RGS5: variants seen among roughly 807,000 people sequenced by gnomAD.
The protein encoded by RGS5 is regulator of G-protein signalling 5.
In RGS5, 20 loss-of-function variants were observed where a neutral mutation model predicts 18.9. The observed-to-expected ratio is 1.06, with a 90% CI of 0.74 to 1.54. RGS5 has a LOEUF of 1.54. Among genes scored for constraint, RGS5 ranks in the 40% most tolerant of loss-of-function variants. The pLI is 0.00. For synonymous variants in RGS5, 57 were observed against 76.2 expected (o/e 0.75, Z 1.31); for missense variants, 201 against 211.8 (o/e 0.95, Z 0.32).
chr1:163,266,826 C>A, intron 2 of RGS5, among the ~76,000 whole-genome samples: 1 of 152,058 alleles, frequency 6.6e-6, no homozygotes, highest in Non-Finnish European at 1.5e-5. Context: ...ATGCTCAATA[C>A]CCACTATAGT....
intron 2 of RGS5, among the ~76,000 whole-genome samples, chr1:163,279,794 CAG>C (rs2101717759): frequency 6.6e-6 from 1 of 151,472 alleles, no homozygotes; most frequent in South Asian, 2.1e-4. Context: ...AAAGAGAAGA[CAG>C]AAATAAAATC....
chr1:163,206,079 A>C (rs970223293), upstream of RGS5, among the ~76,000 whole-genome samples: 8 of 152,196 alleles, frequency 5.3e-5, no homozygotes, highest in African/African-American at 1.9e-4. Context: ...AAGCAAGCTC[A>C]ATTTATAATT....
intron 1 of RGS5, chr1:163,172,673 G>C: frequency 4.1e-6 from 6 of 1,467,324 alleles, no homozygotes; most frequent in Non-Finnish European, 4.6e-6. Flanking sequence ...CTTGGTATAG[G>C]CTCAAGTATA....
chr1:163,200,581 G>A (rs142791103), intron 1 of RGS5, among the ~76,000 whole-genome samples: 99 of 152,148 alleles, frequency 6.5e-4, no homozygotes, highest in Admixed American at 5.8e-3. Flanking sequence ...CTTTCCATGG[G>A]TAAGTACTAA....
intron 1 of RGS5, among the ~76,000 whole-genome samples, chr1:163,193,066 C>G (rs1336960222): frequency 1.3e-5 from 2 of 152,136 alleles, no homozygotes; most frequent in Admixed American, 1.3e-4. Flanking sequence ...CTAATAATAA[C>G]AAACACTTGC....
chr1:163,180,586 A>G (rs1456339569), intron 1 of RGS5, among the ~76,000 whole-genome samples: 1 of 149,078 alleles, frequency 6.7e-6, no homozygotes, highest in Non-Finnish European at 1.5e-5. Context: ...CAATTGTGCG[A>G]GTTTTAACAC....
At chr1:163,147,611 A>G in intron 4 of RGS5, 108 bp from the exon 5 acceptor site, 1 of 1,056,766 alleles carries the variant, frequency 9.5e-7, no homozygotes, top group Non-Finnish European at 1.3e-6. Context: ...AGGGGAGGAA[A>G]GTCATTAAAA....
intron 1 of RGS5, chr1:163,172,497 A>G: frequency 1.3e-6 from 2 of 1,526,488 alleles, no homozygotes; most frequent in South Asian, 1.2e-5. Context: ...GAAATCAACT[A>G]TCATTTATAA....
chr1:163,153,679 A>C (rs1285423369), intron 3 of RGS5, among the ~76,000 whole-genome samples: 1 of 151,330 alleles, frequency 6.6e-6, no homozygotes, highest in Non-Finnish European at 1.5e-5. Flanking sequence ...GATATAGCCT[A>C]TTATATATAG....
At chr1:163,314,563 CA>C (rs66971381) in intron 1 of RGS5, among the ~76,000 whole-genome samples, 2 of 151,536 alleles carry the variant, frequency 1.3e-5, no homozygotes, top group African/African-American at 2.4e-5. Context: ...ACAACAACAA[CA>C]AAAAAAACCT....
chr1:163,182,385 C>G (rs934284855), intron 1 of RGS5, among the ~76,000 whole-genome samples: 2 of 152,144 alleles, frequency 1.3e-5, no homozygotes, highest in African/African-American at 4.8e-5. Flanking sequence ...ATTATCACCT[C>G]CCTGGTGCTG....
chr1:163,173,178 A>G (rs867212323), intron 1 of RGS5, among the ~76,000 whole-genome samples: 1 of 152,184 alleles, frequency 6.6e-6, no homozygotes, highest in Non-Finnish European at 1.5e-5. Flanking sequence ...TCCTGGCCAC[A>G]TTACATTAAT....
chr1:163,182,390 G>T (rs1184607563), intron 1 of RGS5, among the ~76,000 whole-genome samples: 1 of 152,064 alleles, frequency 6.6e-6, no homozygotes, highest in South Asian at 2.1e-4. Flanking sequence ...CACCTCCCTG[G>T]TGCTGTCATT....
chr1:163,243,414 G>A (rs1451119888), intron 2 of RGS5, among the ~76,000 whole-genome samples: 6 of 152,040 alleles, frequency 3.9e-5, no homozygotes, highest in East Asian at 3.9e-4. Context: ...CTGGGAGGCC[G>A]AGCGGGGTGG....
At chr1:163,194,791 C>A (rs556153595) in intron 1 of RGS5, among the ~76,000 whole-genome samples, 2 of 151,976 alleles carry the variant, frequency 1.3e-5, no homozygotes, top group Non-Finnish European at 2.9e-5. Context: ...GAAAATATTT[C>A]GATTCTTACC....
chr1:163,201,346 A>T (rs1427521155), intron 1 of RGS5, among the ~76,000 whole-genome samples: 1 of 152,114 alleles, frequency 6.6e-6, no homozygotes, highest in Non-Finnish European at 1.5e-5. Flanking sequence ...AGGAAAGAAC[A>T]GGCTAATAGC....
chr1:163,258,574 T>C (rs957731122), intron 2 of RGS5, among the ~76,000 whole-genome samples: 1 of 152,106 alleles, frequency 6.6e-6, no homozygotes, highest in Non-Finnish European at 1.5e-5. Context: ...CTATTAGCTG[T>C]TCACCTTAAG....
At chr1:163,176,649 A>G (rs1232801744) in intron 1 of RGS5, among the ~76,000 whole-genome samples, 2 of 151,952 alleles carry the variant, frequency 1.3e-5, no homozygotes, top group African/African-American at 4.8e-5. Context: ...GAAAAAAAGA[A>G]AAAGAAAACC....
intron 2 of RGS5, among the ~76,000 whole-genome samples, chr1:163,285,035 T>C (rs1026962851): frequency 1.3e-5 from 2 of 152,096 alleles, no homozygotes; most frequent in African/African-American, 4.8e-5. Flanking sequence ...AAACCCCTTA[T>C]AAAACCACCA....
Sources: gnomAD v4.1 joint callset for allele counts (sites outside exome capture counted in the v4.1 genomes callset) on GRCh38, gnomAD v4.1.1 for gene constraint, MANE v1.5 for transcripts, NCBI Gene and HGNC (gene_info 2026-07-23, HGNC 2026-07-21) for gene names.